P2RY12: variants seen among roughly 807,000 people sequenced by gnomAD.
The protein encoded by P2RY12 is purinergic receptor P2Y12, also known as P2Y purinoceptor 12.
Under a neutral mutation model 4.5 loss-of-function variants are expected in P2RY12, and 3 were observed. The observed-to-expected ratio is 0.67, with a 90% CI of 0.31 to 1.74. P2RY12 has a LOEUF of 1.74. Ranked by LOEUF, P2RY12 falls within the 40% of genes most tolerant of loss-of-function variation. P2RY12 has a pLI of 0.09. For missense variants in P2RY12, 356 were observed against 407.8 expected, an observed-to-expected ratio of 0.87 and a Z score of 1.09; for synonymous variants, 148 against 154.1, an observed-to-expected ratio of 0.96 and a Z score of 0.29.
chr3:151,381,134 A>T (rs964555771), intron 1 of P2RY12, among the ~76,000 whole-genome samples: 2 of 152,226 alleles, frequency 1.3e-5, no homozygotes, highest in African/African-American at 4.8e-5. Flanking sequence ...AGCAAAGTGG[A>T]TAGATTGGTC....
At chr3:151,350,557 G>A (rs186948526) in intron 1 of P2RY12, among the ~76,000 whole-genome samples, 98 of 152,176 alleles carry the variant, frequency 6.4e-4, no homozygotes, top group Non-Finnish European at 1.3e-3. Flanking sequence ...CCTTTAGTCT[G>A]GAAGAGATCC....
chr3:151,382,769 C>T, intron 1 of P2RY12: 2 of 1,574,618 alleles, frequency 1.3e-6, no homozygotes, highest in South Asian at 1.1e-5. Flanking sequence ...CTAGTATTTT[C>T]CCTCCATTAA....
At chr3:151,368,784 C>G (rs1381838407) in intron 1 of P2RY12, among the ~76,000 whole-genome samples, 1 of 132,846 alleles carries the variant, frequency 7.5e-6, no homozygotes, top group Non-Finnish European at 1.6e-5. Flanking sequence ...TTTTCCAAGA[C>G]AAAGTCTTAC....
At chr3:151,355,786 A>G in intron 1 of P2RY12, 10 of 901,986 alleles carry the variant, frequency 1.1e-5, no homozygotes, top group Non-Finnish European at 1.4e-5. Context: ...ACTTTCGTCA[A>G]AGTAGAATCA....
chr3:151,379,215 T>C lies in P2RY12; in HGVS notation c.-180+5477A>G, dbSNP rs201048966. ...CTAATTTTCAAATCATATTTGCTGATAGGTGAGTGTATGTGCATTGCCTAA... is the reference window on the plus strand; with the variant it reads ...CTAATTTTCAAATCATATTTGCTGACAGGTGAGTGTATGTGCATTGCCTAA... On this transcript the variant is annotated intron_variant, in intron 1 of 2. Transcript: ENST00000302632. Among the ~76,000 whole-genome samples, 75 of 152,342 alleles carry C rather than the reference T, an allele frequency of 4.9e-4. No homozygotes were observed. In the East Asian group the frequency reaches 7.7e-3, roughly 16 times the overall value.
chr3:151,368,383 G>A (rs1755546972), intron 1 of P2RY12: 2 of 709,666 alleles, frequency 2.8e-6, no homozygotes, highest in Admixed American at 4.5e-5. Context: ...GATGAAGGGT[G>A]AGATGATACT....
At chr3:151,349,885 C>A in intron 1 of P2RY12, among the ~76,000 whole-genome samples, 1 of 145,802 alleles carries the variant, frequency 6.9e-6, no homozygotes. Context: ...TTAGCAAGTT[C>A]CAAACTGGAA....
At chr3:151,367,516 C>G in intron 1 of P2RY12, 1 of 732,170 alleles carries the variant, frequency 1.4e-6, no homozygotes, top group Non-Finnish European at 2.1e-6. Flanking sequence ...GATATGTTAT[C>G]ATTTCCCTCT....
At chr3:151,357,429 G>A in intron 1 of P2RY12, 2 of 1,467,942 alleles carry the variant, frequency 1.4e-6, no homozygotes, top group Non-Finnish European at 1.8e-6. Context: ...TGTATAACTA[G>A]TGATGAAATA....
At chr3:151,345,372 T>G (rs1330137037) in intron 1 of P2RY12, among the ~76,000 whole-genome samples, 2 of 152,206 alleles carry the variant, frequency 1.3e-5, no homozygotes, top group African/African-American at 4.8e-5. Flanking sequence ...CTGTGCAACT[T>G]GAGGGCGTTT....
chr3:151,346,820 T>G (rs1752605367), intron 1 of P2RY12, among the ~76,000 whole-genome samples: 1 of 152,090 alleles, frequency 6.6e-6, no homozygotes, highest in South Asian at 2.1e-4. Flanking sequence ...TTAGGGCCCA[T>G]ATCAAACCAA....
intron 1 of P2RY12, chr3:151,360,364 A>G: frequency 2.1e-6 from 2 of 959,318 alleles, no homozygotes; most frequent in Non-Finnish European, 3.2e-6. Flanking sequence ...TCAACAATCC[A>G]ATATCCTTTT....
chr3:151,342,213 A>G (rs949639280), intron 1 of P2RY12, among the ~76,000 whole-genome samples: 6 of 152,240 alleles, frequency 3.9e-5, no homozygotes, highest in South Asian at 2.1e-4. Context: ...AAGTGTTCCT[A>G]TTTCTCCACA....
rs1369023905 is a variant in P2RY12, at chr3:151,338,784, T to A, written c.62A>T (p.Tyr21Phe). ...TGGGAAGAGGACCTGGGTGATTTTG[T>A]AGTCTCTGGTGCACAGACTGGTGTT... is the stretch of plus-strand genomic sequence containing the variant. ...PGNTSLCTRD[Y>F]KITQVLFPLL... is the part of the protein sequence containing the mutation. Residue 21 changes from tyrosine to phenylalanine, a missense_variant, in exon 3 of 3, where the codon TAC becomes TTC. Physicochemically the swap from Tyr to Phe is conservative, Grantham distance 22 (BLOSUM62 3). Transcript: ENST00000302632. 3 of 1,613,960 alleles carry A rather than the reference T, an allele frequency of 1.9e-6. No individual in the cohort carries two copies. The highest frequency in any genetic ancestry group is 2.5e-6 in the Non-Finnish European group (3 of 1,179,928).
At chr3:151,367,573 C>T (rs1272943039) in intron 1 of P2RY12, 6 of 1,386,822 alleles carry the variant, frequency 4.3e-6, no homozygotes, top group Non-Finnish European at 5.8e-6. Context: ...TGCCTGCATT[C>T]TCTTAGTTAT....
intron 1 of P2RY12, among the ~76,000 whole-genome samples, chr3:151,363,100 G>A (rs546343577): frequency 1.8e-4 from 27 of 152,162 alleles, no homozygotes; most frequent in African/African-American, 5.3e-4. Flanking sequence ...CGCTGGGCGT[G>A]GGGTGTGTGG....
chr3:151,361,462 G>A (rs1355394117), intron 1 of P2RY12, among the ~76,000 whole-genome samples: 2 of 152,024 alleles, frequency 1.3e-5, no homozygotes, highest in African/African-American at 4.8e-5. Flanking sequence ...TCATAAAAAG[G>A]TACTGTAAAT....
At position 151,373,559 on chromosome 3, in the gene P2RY12, G is replaced by GT. The variant is rs758807351; in HGVS notation, c.-180+11132_-180+11133insA. ...TTTACTATGATGGTTGCAAAATGGT[G>GT]GTTTTTTTTTTTCCCCAACTTCTCC... On this transcript the variant is annotated intron_variant, in intron 1 of 2. Transcript: ENST00000302632. Among the ~76,000 whole-genome samples, 603 of 143,150 alleles carry GT rather than the reference G, an allele frequency of 4.2e-3. 3 individuals carry two copies. The highest frequency in any genetic ancestry group is 0.014 in the African/African-American group (532 of 37,140). 93.9% of individuals were successfully genotyped at this position (143,150 alleles called of 152,430 possible). A position where few individuals can be genotyped will look rare whatever the true frequency, so the allele number is the denominator to read the frequency against.
At chr3:151,360,584 G>T (rs773273458) in intron 1 of P2RY12, 2 of 1,612,466 alleles carry the variant, frequency 1.2e-6, no homozygotes, top group Admixed American at 1.7e-5. Context: ...CACCTCAGAA[G>T]TAAATTTGGA....
Sources: gnomAD v4.1 joint callset for allele counts (sites outside exome capture counted in the v4.1 genomes callset) on GRCh38, gnomAD v4.1.1 for gene constraint, MANE v1.5 for transcripts, NCBI Gene and HGNC (gene_info 2026-07-23, HGNC 2026-07-21) for gene names.